Variants in FCRL5 observed in about 807,000 individuals in gnomAD.
FCRL5 encodes Fc receptor like 5.
Under a neutral mutation model 92.1 loss-of-function variants are expected in FCRL5, and 79 were observed. The ratio of observed to expected loss-of-function variants is 0.86; its 90% CI spans 0.72 to 1.03. The LOEUF (loss-of-function observed/expected upper bound fraction) is 1.03. Ranked by LOEUF, FCRL5 falls within the 50% of genes least tolerant of loss-of-function variation. FCRL5 has a pLI of 0.00. For missense variants in FCRL5, 1,160 were observed against 1,181.1 expected (o/e 0.98, Z 0.26); for synonymous variants, 466 against 469.3 (o/e 0.99, Z 0.09).
intron 2 of FCRL5, chr1:157,547,478 G>T (rs1651611101): frequency 1.7e-6 from 1 of 578,652 alleles, no homozygotes; most frequent in Non-Finnish European, 3.2e-6. Flanking sequence ...ATGGAAGTGG[G>T]TCCCAGAGAA....
chr1:157,537,583 C>T (rs1651028042), intron 7 of FCRL5, among the ~76,000 whole-genome samples: 1 of 152,178 alleles, frequency 6.6e-6, no homozygotes, highest in South Asian at 2.1e-4. Flanking sequence ...CTTTGTGAAG[C>T]ATGTGATCTC....
chr1:157,533,081 T>C (rs2101620175), intron 8 of FCRL5: 1 of 152,348 alleles, frequency 6.6e-6, no homozygotes, highest in Admixed American at 6.5e-5. Context: ...GATGTTTTTC[T>C]TTCTGAGACG....
intron 8 of FCRL5, chr1:157,533,872 G>A (rs909857559): frequency 6.3e-6 from 1 of 157,608 alleles, no homozygotes; most frequent in Non-Finnish European, 1.4e-5. Context: ...TTATGCTAGG[G>A]GCATGTCTGA....
At chr1:157,519,372 G>A (rs891086589) in intron 13 of FCRL5, among the ~76,000 whole-genome samples, 2 of 152,212 alleles carry the variant, frequency 1.3e-5, no homozygotes, top group South Asian at 2.1e-4. Flanking sequence ...ATCACAAGAG[G>A]TGTTGATGAG....
intron 2 of FCRL5, 130 bp from the exon 3 acceptor site, chr1:157,547,327 T>C (rs1407005871): frequency 2.4e-6 from 3 of 1,229,654 alleles, no homozygotes; most frequent in Non-Finnish European, 3.5e-6. Context: ...GGGTCACTGA[T>C]AGCTCAAAGC....
chr1:157,527,883 C>A lies in FCRL5; in HGVS notation c.1694G>T (p.Arg565Leu), dbSNP rs376321602. 13 of 1,579,742 alleles carry A rather than the reference C, an allele frequency of 8.2e-6. No homozygotes were observed. Among genetic ancestry groups the A allele is most frequent in the African/African-American group, 1.4e-5 (1 of 73,458 alleles). The change falls in exon 9 of 17, where the codon CGC becomes CTC. Residue 565 changes from arginine (R) to leucine (L), a missense_variant. Arg to Leu is a moderately radical substitution (Grantham distance 102). Transcript: ENST00000361835. ...GGGAACCCTGAGGGTGAGGATGGGG[C>A]GAGACACTGGAACTGAGAGAGAAAA... ...VSLFVTVPVSRPILTLRVPRA... is the reference protein window; with the variant it reads ...VSLFVTVPVSLPILTLRVPRA...
At position 157,515,240 on chromosome 1, in the gene FCRL5, A is replaced by G. The variant is rs760750714; in HGVS notation, c.*435T>C. The G allele has an allele frequency of 1.1e-5, 3 of 263,318 alleles. No individual in the cohort carries two copies. The highest frequency in any genetic ancestry group is 2.2e-5 in the Non-Finnish European group (3 of 135,274). The allele number at this position is 263,318 out of a possible 1,614,324, so 16.3% of individuals were successfully genotyped here. A position where few individuals can be genotyped will look rare whatever the true frequency, so the allele number is the denominator to read the frequency against. ...CCACCAGGCTGATGACAATTGAGAA[A>G]TGCATCCACCCAAAGCAGGAACTCT... On this transcript the variant is annotated 3_prime_UTR_variant, in exon 17 of 17. Coordinates refer to ENST00000361835, the MANE Select transcript of FCRL5 (RefSeq NM_031281.3).
chr1:157,530,639 C>G (rs1403820012), intron 8 of FCRL5, among the ~76,000 whole-genome samples: 4 of 152,194 alleles, frequency 2.6e-5, no homozygotes, highest in Non-Finnish European at 5.9e-5. Context: ...GGATTACAGG[C>G]GAGAGCCACC....
chr1:157,518,324 G>A, intron 15 of FCRL5, 105 bp downstream of exon 15: 1 of 932,742 alleles, frequency 1.1e-6, no homozygotes. Context: ...CCAGTGGGAG[G>A]GGCGGCTCTA....
rs765158681 is a variant in FCRL5, at chr1:157,534,711, G to A, written c.1584C>T (p.Ser528=). 4 of 1,613,942 alleles carry A rather than the reference G, an allele frequency of 2.5e-6. No homozygotes were observed. Among genetic ancestry groups the A allele is most frequent in the Admixed American group, 1.7e-5 (1 of 60,010 alleles). ...STPSVGRVSF[S]FSLTEGHSGN... ...CTGAATGTCCTTCAGTCAGAGAGAA[G>A]CTGAAGGACACTCTTCCCACAGAGG... is the stretch of plus-strand genomic sequence containing the variant. The change falls in exon 8 of 17, where the codon AGC becomes AGT. Residue 528 remains serine, a synonymous_variant. Coordinates refer to ENST00000361835, the MANE Select transcript of FCRL5 (RefSeq NM_031281.3).
chr1:157,550,694 C>T (rs1346786058), intron 1 of FCRL5, among the ~76,000 whole-genome samples: 5 of 152,126 alleles, frequency 3.3e-5, no homozygotes, highest in Non-Finnish European at 5.9e-5. Context: ...AAAGATATTC[C>T]TTTAATGTTC....
Position 157,520,458 on chromosome 1 carries a change from G to C in FCRL5, c.2605C>G (p.Leu869Val), listed in dbSNP as rs1036001598. The change falls in exon 12 of 17, where the codon CTC becomes GTC. Residue 869 changes from leucine (L) to valine (V), a missense_variant. By Grantham distance (32) the Leu-to-Val change is conservative (BLOSUM62 1). Transcript: ENST00000361835. The stretch of plus-strand genomic sequence containing the variant: ...GCTTTTCTCGAGAGCCAGCAGTAGA[G>C]CAGCAGTGCCCCCGCAGCAAGGCCT... ...IAGLAAGALL[L>V]YCWLSRKAGR... 6.4e-7 allele frequency: 1 copy of C among 1,573,362 alleles called. No homozygotes were observed. Among genetic ancestry groups the C allele is most frequent in the East Asian group, 2.4e-5 (1 of 42,522 alleles).
chr1:157,543,911 C>G (rs1371284770), intron 5 of FCRL5, among the ~76,000 whole-genome samples: 1 of 152,018 alleles, frequency 6.6e-6, no homozygotes, highest in African/African-American at 2.4e-5. Context: ...ATTGGGACAA[C>G]AGATACCTCT....
chr1:157,552,212 C>T (rs1335039301), intron 1 of FCRL5, 120 bp downstream of exon 1: 1 of 981,884 alleles, frequency 1.0e-6, no homozygotes, highest in Non-Finnish European at 1.6e-6. Context: ...AAAATACAGT[C>T]TCCTAATGTA....
chr1:157,532,769 T>C (rs538754445), intron 8 of FCRL5: 72 of 152,356 alleles, frequency 4.7e-4, no homozygotes, highest in African/African-American at 1.5e-3. Context: ...CGAGTCAATG[T>C]GTGACCTTTT....
At chr1:157,527,988 A>G in intron 8 of FCRL5, 93 bp from the exon 9 acceptor site, 1 of 1,363,132 alleles carries the variant, frequency 7.3e-7, no homozygotes, top group Non-Finnish European at 9.8e-7. Context: ...AGAAAGAAAT[A>G]AAGGACATCC....
chr1:157,520,952 G>A, intron 11 of FCRL5, 65 bp downstream of exon 11: 1 of 1,529,214 alleles, frequency 6.5e-7, no homozygotes, highest in African/African-American at 1.4e-5. Flanking sequence ...CACTGTGAGG[G>A]TTATCAGAGG....
intron 15 of FCRL5, chr1:157,516,078 A>T: frequency 1.6e-6 from 1 of 642,272 alleles, no homozygotes; most frequent in South Asian, 1.8e-5. Context: ...CCTCTCTTCA[A>T]CTCCCCTTCA....
In FCRL5 at chr1:157,544,991, A is replaced by G; in HGVS notation, c.399T>C (p.Asn133=). The change falls in exon 4 of 17, where the codon AAT becomes AAC. Residue 133 remains asparagine, a synonymous_variant. Transcript: ENST00000361835. ...CRAKAEVTLN[N]TIYKNDNVLA... ...GGACATTATCATTCTTGTAAATAGTATTATTCAGTGTTACTTCCGCCTTTG... is the reference window on the plus strand; with the variant it reads ...GGACATTATCATTCTTGTAAATAGTGTTATTCAGTGTTACTTCCGCCTTTG... The G allele has an allele frequency of 6.2e-7, 1 of 1,614,140 alleles. No individual in the cohort carries two copies. The highest frequency in any genetic ancestry group is 8.5e-7 in the Non-Finnish European group (1 of 1,180,014).
Sources: allele counts gnomAD v4.1 joint callset (sites outside exome capture counted in the v4.1 genomes callset), GRCh38; gene constraint gnomAD v4.1.1; transcripts MANE v1.5; gene names NCBI Gene and HGNC (gene_info 2026-07-23, HGNC 2026-07-21).